The following EPHA6 variants were observed in gnomAD, a reference collection of about 807,000 sequenced individuals.
EPHA6 encodes the protein EPH receptor A6.
In EPHA6, 50 loss-of-function variants were observed where a neutral mutation model predicts 112.0. The observed-to-expected ratio is 0.45, with a 90% CI of 0.36 to 0.56. The LOEUF (loss-of-function observed/expected upper bound fraction) is 0.56, where lower values mean the gene tolerates loss of function less well. Ranked by LOEUF, EPHA6 falls within the 20% of genes least tolerant of loss-of-function variation. The pLI is 0.00. For synonymous variants in EPHA6, 529 were observed against 490.7 expected (o/e 1.08, Z -1.03); for missense variants, 1,280 against 1,417.4 (o/e 0.90, Z 1.56).
intron 3 of EPHA6, among the ~76,000 whole-genome samples, chr3:97,016,692 C>G: frequency 6.6e-6 from 1 of 152,172 alleles, no homozygotes; most frequent in South Asian, 2.1e-4. Context: ...CAAATTTTTC[C>G]TTACGCACCT....
At chr3:96,994,258 C>T (rs756457314) in intron 3 of EPHA6, 6 of 369,560 alleles carry the variant, frequency 1.6e-5, no homozygotes, top group South Asian at 2.9e-5. Context: ...TATTTTAGTC[C>T]TCTTTCAAAT....
intron 10 of EPHA6, among the ~76,000 whole-genome samples, chr3:97,532,015 T>C (rs1053428531): frequency 1.3e-5 from 2 of 152,064 alleles, no homozygotes; most frequent in African/African-American, 2.4e-5. Context: ...TATTTCAGCA[T>C]TGAGAACAGG....
At chr3:97,291,088 C>G (rs560262977) in intron 5 of EPHA6, among the ~76,000 whole-genome samples, 1 of 151,986 alleles carries the variant, frequency 6.6e-6, no homozygotes, top group Non-Finnish European at 1.5e-5. Flanking sequence ...TCATTTGTTT[C>G]GAGATGCTTT....
chr3:97,038,067 A>G (rs557385212), intron 3 of EPHA6, among the ~76,000 whole-genome samples: 14 of 152,118 alleles, frequency 9.2e-5, no homozygotes, highest in Non-Finnish European at 1.9e-4. Flanking sequence ...AGTACATGAG[A>G]TATGTTTATA....
intron 14 of EPHA6, among the ~76,000 whole-genome samples, chr3:97,658,618 T>C (rs1322278067): frequency 1.3e-5 from 2 of 152,034 alleles, no homozygotes; most frequent in South Asian, 2.1e-4. Flanking sequence ...AACTCCAATA[T>C]ACCTTACGGG....
chr3:97,039,419 A>C (rs1295798247), intron 3 of EPHA6, among the ~76,000 whole-genome samples: 2 of 152,044 alleles, frequency 1.3e-5, no homozygotes, highest in Non-Finnish European at 2.9e-5. Context: ...TAATTTGGAG[A>C]GTGGTAGACA....
At chr3:97,094,481 G>A (rs896659998) in intron 3 of EPHA6, among the ~76,000 whole-genome samples, 1 of 152,068 alleles carries the variant, frequency 6.6e-6, no homozygotes, top group Admixed American at 6.6e-5. Context: ...TTTAACATCA[G>A]TTGTCATCGT....
intron 3 of EPHA6, among the ~76,000 whole-genome samples, chr3:97,089,383 T>C (rs2108224784): frequency 6.6e-6 from 1 of 152,288 alleles, no homozygotes; most frequent in Admixed American, 6.5e-5. Context: ...AAAATCATAC[T>C]TGAGTCAAAA....
Position 97,733,017 on chromosome 3 carries a change from G to A in EPHA6, c.2935-2908G>A, listed in dbSNP as rs114335918. On this transcript the variant is annotated intron_variant, in intron 15 of 17. Transcript: ENST00000389672. ...CTCCCACTGTCCCCACAGAGAGGCCGGGACCACATGCTCTACTGGATGCAT... is the reference window on the plus strand; with the variant it reads ...CTCCCACTGTCCCCACAGAGAGGCCAGGACCACATGCTCTACTGGATGCAT... Among the ~76,000 whole-genome samples, 341 of 152,038 alleles carry A rather than the reference G, an allele frequency of 2.2e-3. 1 individual carries two copies. The highest frequency in any genetic ancestry group is 7.9e-3 in the African/African-American group (326 of 41,504).
intron 3 of EPHA6, among the ~76,000 whole-genome samples, chr3:97,045,215 A>C (rs905444846): frequency 6.6e-5 from 10 of 151,998 alleles, no homozygotes; most frequent in East Asian, 1.9e-4. Flanking sequence ...TAGTTAAAAA[A>C]CATAGTTTCT....
intron 3 of EPHA6, among the ~76,000 whole-genome samples, chr3:97,168,031 G>A (rs1296843842): frequency 6.6e-6 from 1 of 151,840 alleles, no homozygotes; most frequent in Non-Finnish European, 1.5e-5. Flanking sequence ...TATGTATTTA[G>A]TAAAGAGAAT....
intron 2 of EPHA6, among the ~76,000 whole-genome samples, chr3:96,893,436 A>G (rs529239508): frequency 3.3e-5 from 5 of 152,314 alleles, no homozygotes; most frequent in Middle Eastern, 3.4e-3. Context: ...GACCCCAACC[A>G]TATAAAATCC....
intron 13 of EPHA6, 91 bp downstream of exon 13, chr3:97,610,945 A>G: frequency 9.3e-7 from 1 of 1,074,140 alleles, no homozygotes; most frequent in Non-Finnish European, 1.4e-6. Flanking sequence ...GCATAATGTT[A>G]TTCATGGATT....
chr3:97,085,928 C>T lies in EPHA6; in HGVS notation c.1114+97935C>T, dbSNP rs867562426. Among the ~76,000 whole-genome samples, 322 of 119,340 alleles carry T rather than the reference C, an allele frequency of 2.7e-3. 2 individuals carry two copies. Among genetic ancestry groups the T allele is most frequent in the African/African-American group, 0.013 (287 of 22,236 alleles). 78.3% of individuals were successfully genotyped at this position (119,340 alleles called of 152,430 possible). On this transcript the variant is annotated intron_variant, in intron 3 of 17. Coordinates refer to ENST00000389672, the MANE Select transcript of EPHA6 (RefSeq NM_001080448.3). ...TTGTGAGCTTTTATATATATGATGT[C>T]ATATATATATATATATATATACACA...
chr3:97,748,488 C>A, intron 17 of EPHA6, 99 bp from the exon 18 acceptor site: 1 of 683,486 alleles, frequency 1.5e-6, no homozygotes, highest in Non-Finnish European at 2.7e-6. Flanking sequence ...ATCTTGCATG[C>A]TTATTAGATC....
intron 3 of EPHA6, among the ~76,000 whole-genome samples, chr3:97,039,566 G>T (rs1327281104): frequency 6.6e-6 from 1 of 151,912 alleles, no homozygotes; most frequent in Non-Finnish European, 1.5e-5. Context: ...TTAATTGGGA[G>T]AAAGTGGAAT....
At chr3:96,942,428 A>G (rs762076910) in intron 2 of EPHA6, among the ~76,000 whole-genome samples, 1 of 146,746 alleles carries the variant, frequency 6.8e-6, no homozygotes, top group Non-Finnish European at 1.5e-5. Context: ...TGTGGGATAT[A>G]ATCTCCTGCT....
chr3:97,544,310 GA>G (rs1379552353), intron 11 of EPHA6, among the ~76,000 whole-genome samples: 1 of 152,070 alleles, frequency 6.6e-6, no homozygotes, highest in African/African-American at 2.4e-5. Context: ...AAGGGTTGTT[GA>G]ATTTTGTCAA....
intron 10 of EPHA6, among the ~76,000 whole-genome samples, chr3:97,517,504 A>G (rs1264219833): frequency 6.6e-6 from 1 of 152,020 alleles, no homozygotes; most frequent in Non-Finnish European, 1.5e-5. Flanking sequence ...TATTAATGGG[A>G]TGCAGTGTGA....
Sources: allele counts gnomAD v4.1 joint callset (sites outside exome capture counted in the v4.1 genomes callset), GRCh38; gene constraint gnomAD v4.1.1; transcripts MANE v1.5; gene names NCBI Gene and HGNC (gene_info 2026-07-23, HGNC 2026-07-21).